The following WNK1 variants were observed in gnomAD, a reference collection of about 807,000 sequenced individuals.
WNK1 encodes the protein serine/threonine-protein kinase WNK1.
A neutral mutation model predicts 222.8 loss-of-function variants in WNK1; 38 were observed. That is an observed-to-expected ratio of 0.17 (90% CI 0.13 to 0.22). The LOEUF (loss-of-function observed/expected upper bound fraction) is 0.22, where lower values mean the gene tolerates loss of function less well. Ranked by LOEUF, WNK1 falls within the 10% of genes least tolerant of loss-of-function variation. The pLI, the probability that WNK1 is intolerant of heterozygous loss-of-function variation, is 1.00. For synonymous variants in WNK1, 1,090 were observed against 1,092.9 expected (o/e 1.00, Z 0.05); for missense variants, 2,348 against 2,918.4 (o/e 0.80, Z 4.50).
chr12:906,539 C>T (rs1197274142), intron 26 of WNK1: 1 of 985,168 alleles, frequency 1.0e-6, no homozygotes, highest in Non-Finnish European at 1.2e-6. Context: ...CTGAGGTCAT[C>T]TTCAGGAAAA....
intron 1 of WNK1, among the ~76,000 whole-genome samples, chr12:797,615 A>G (rs949093119): frequency 6.6e-6 from 1 of 152,026 alleles, no homozygotes; most frequent in Middle Eastern, 3.2e-3. Flanking sequence ...TCTACTCTCT[A>G]CTTTGTAAGA....
At chr12:822,595 T>A (rs1049304040) in intron 2 of WNK1, among the ~76,000 whole-genome samples, 32 of 152,204 alleles carry the variant, frequency 2.1e-4, no homozygotes, top group African/African-American at 6.8e-4. Context: ...TCCAACAGTC[T>A]ACCCTGAATT....
chr12:767,912 T>G (rs554256689), intron 1 of WNK1, among the ~76,000 whole-genome samples: 87 of 152,308 alleles, frequency 5.7e-4, no homozygotes, highest in Middle Eastern at 3.4e-3. Context: ...CAGGTCTGTT[T>G]GCTTCAACGA....
At chr12:771,521 GC>G (rs914341562) in intron 1 of WNK1, among the ~76,000 whole-genome samples, 1 of 151,974 alleles carries the variant, frequency 6.6e-6, no homozygotes, top group East Asian at 1.9e-4. Context: ...GTCTTATTCT[GC>G]CCCCTGGGTT....
chr12:852,425 G>A (rs72648658), intron 4 of WNK1, among the ~76,000 whole-genome samples: 95 of 152,168 alleles, frequency 6.2e-4, no homozygotes, highest in African/African-American at 2.2e-3. Flanking sequence ...AGAAAAATAA[G>A]CTACTGTCCC....
At position 896,569 on chromosome 12, in the gene WNK1, G is replaced by A. The variant is rs1440972534; in HGVS notation, c.6082G>A (p.Gly2028Ser). ...FLSRDVDDGS[G>S]SPHSPHQLSS... is the part of the protein sequence containing the mutation. ...AAGTAGGGATGTGGATGATGGTTCC[G>A]GTAGTCCACACTCGCCCCATCAGCT... Residue 2028 changes from glycine to serine, a missense_variant, in exon 24 of 28, where the codon GGT becomes AGT. Physicochemically the swap from Gly to Ser is moderately conservative, Grantham distance 56. This residue lies in a region of WNK1 where 1,144 missense variants were observed against 1,273.6 expected (regional missense o/e 0.90). Coordinates refer to ENST00000315939, the MANE Select transcript of WNK1 (RefSeq NM_018979.4). 1.1e-5 allele frequency: 18 copies of A among 1,612,472 alleles called. No individual in the cohort carries two copies. Among genetic ancestry groups the A allele is most frequent in the African/African-American group, 4.0e-5 (3 of 74,408 alleles).
intron 1 of WNK1, among the ~76,000 whole-genome samples, chr12:767,402 G>A (rs1239453997): frequency 3.3e-5 from 5 of 151,662 alleles, no homozygotes; most frequent in African/African-American, 9.7e-5. Context: ...ACAGGCGCGC[G>A]CCACCATGCC....
At chr12:880,246 T>A (rs1953023468) in intron 11 of WNK1, among the ~76,000 whole-genome samples, 1 of 152,238 alleles carries the variant, frequency 6.6e-6, no homozygotes. Flanking sequence ...AAAATGGTTC[T>A]CTCAGTATTC....
chr12:889,054 A>C (rs183621577), intron 20 of WNK1, 86 bp from the exon 21 acceptor site: 7 of 1,007,292 alleles, frequency 6.9e-6, no homozygotes, highest in African/African-American at 6.3e-5. Flanking sequence ...ATAAAGCATA[A>C]AACAGTGTGT....
Position 896,230 on chromosome 12 carries a change from C to T in WNK1, c.5743C>T (p.Pro1915Ser), listed in dbSNP as rs1385700545. ...ACCAGAGCCGAATGGCATAACCATC[C>T]CTGGTATCTCTTCAGATGTGCCAGA... ...VKPEPNGITIPGISSDVPESA... is the reference protein window; with the variant it reads ...VKPEPNGITISGISSDVPESA... Residue 1915 changes from proline to serine, a missense_variant, in exon 24 of 28, where the codon CCT becomes TCT. Physicochemically the swap from Pro to Ser is moderately conservative, Grantham distance 74 (BLOSUM62 -1). Around this residue, in one of 13 missense-constraint regions of WNK1, gnomAD observed 1,144 missense variants for 1,273.6 expected, o/e 0.90. Coordinates refer to ENST00000315939, the MANE Select transcript of WNK1 (RefSeq NM_018979.4). 4.3e-6 allele frequency: 7 copies of T among 1,614,124 alleles called. No individual in the cohort carries two copies. The highest frequency in any genetic ancestry group is 5.9e-6 in the Non-Finnish European group (7 of 1,180,028).
chr12:773,475 G>GT (rs545433061), intron 1 of WNK1, among the ~76,000 whole-genome samples: 1 of 151,988 alleles, frequency 6.6e-6, no homozygotes, highest in East Asian at 1.9e-4. Flanking sequence ...TTCCCAATCA[G>GT]TTTTTTTCCC....
At chr12:900,764 T>A in intron 26 of WNK1, 94 bp downstream of exon 26, 1 of 1,435,284 alleles carries the variant, frequency 7.0e-7, no homozygotes. Flanking sequence ...GGAGACTAGC[T>A]GACCAGAACA....
At chr12:804,431 G>A (rs1489030304) in intron 1 of WNK1, among the ~76,000 whole-genome samples, 1 of 115,586 alleles carries the variant, frequency 8.7e-6, no homozygotes, top group East Asian at 2.3e-4. Context: ...TTTTTTTTTT[G>A]GCGCGATCTC....
At chr12:781,656 C>T (rs1205450358) in intron 1 of WNK1, among the ~76,000 whole-genome samples, 1 of 152,114 alleles carries the variant, frequency 6.6e-6, no homozygotes, top group Non-Finnish European at 1.5e-5. Flanking sequence ...CTGGCATTAG[C>T]TATAACACAA....
chr12:769,315 C>T (rs943269643), intron 1 of WNK1, among the ~76,000 whole-genome samples: 3 of 152,152 alleles, frequency 2.0e-5, no homozygotes, highest in Admixed American at 1.3e-4. Context: ...TCTCATGCCT[C>T]AGCCTCCCAA....
rs556250891 is a variant in WNK1, at chr12:908,214, CTTG to C, written c.6831+184_6831+186del. 57 of 879,114 alleles carry C rather than the reference CTTG, an allele frequency of 6.5e-5. No homozygotes were observed. The Admixed American group carries it at 9.9e-4, about 15-fold the overall frequency. The allele number at this position is 879,114 out of a possible 1,614,324, so 54.5% of individuals were successfully genotyped here. A position where few individuals can be genotyped will look rare whatever the true frequency, so the allele number is the denominator to read the frequency against. On this transcript the variant is annotated intron_variant, in intron 27 of 27. Coordinates refer to ENST00000315939, the MANE Select transcript of WNK1 (RefSeq NM_018979.4). ...TTTTCCTTCCCTGAATTCCTAACCT[CTTG>C]TTGGTCAGCTCAACTTTTTCTTCTT...
At position 753,392 on chromosome 12, in the gene WNK1, A is replaced by T; in HGVS notation, c.-174A>T. On this transcript the variant is annotated 5_prime_UTR_variant, in exon 1 of 28. Coordinates refer to ENST00000315939, the MANE Select transcript of WNK1 (RefSeq NM_018979.4). The surrounding 1 kb of genome is among the most constrained non-coding windows in gnomAD (Gnocchi z 5.2). Reference sequence around the variant, plus strand: ...GCCAGCCCCCGCCGCAGCTGGGCCCAGCGGTCCGCCTGTCCCTCGTTGCGG... The same window carrying T: ...GCCAGCCCCCGCCGCAGCTGGGCCCTGCGGTCCGCCTGTCCCTCGTTGCGG... The T allele has an allele frequency of 1.2e-6, 1 of 817,496 alleles. No homozygotes were observed. Among genetic ancestry groups the T allele is most frequent in the East Asian group, 2.7e-5 (1 of 36,584 alleles). The allele number at this position is 817,496 out of a possible 1,614,324, so 50.6% of individuals were successfully genotyped here. A position where few individuals can be genotyped will look rare whatever the true frequency, so the allele number is the denominator to read the frequency against.
intron 4 of WNK1, among the ~76,000 whole-genome samples, chr12:838,803 T>C (rs727880): frequency 6.6e-6 from 1 of 151,842 alleles, no homozygotes; most frequent in East Asian, 1.9e-4. Context: ...ATTACTTAAC[T>C]AATTTTTTTT....
intron 3 of WNK1, among the ~76,000 whole-genome samples, chr12:829,420 AC>A (rs1359264842): frequency 6.6e-6 from 1 of 152,144 alleles, no homozygotes; most frequent in Non-Finnish European, 1.5e-5. Flanking sequence ...GGAGACAATT[AC>A]GTTTTATTTC....
Sources: gnomAD v4.1 joint callset for allele counts (sites outside exome capture counted in the v4.1 genomes callset) on GRCh38, gnomAD v4.1.1 for gene constraint, gnomAD v4.1.1 regional missense constraint, Gnocchi (gnomAD v3.1) non-coding constraint, MANE v1.5 for transcripts, NCBI Gene and HGNC (gene_info 2026-07-23, HGNC 2026-07-21) for gene names.